GIT2: variants seen among roughly 807,000 people sequenced by gnomAD.
The protein encoded by GIT2 is GIT ArfGAP 2.
A neutral mutation model predicts 100.3 loss-of-function variants in GIT2; 32 were observed. The ratio of observed to expected loss-of-function variants is 0.32; its 90% CI spans 0.24 to 0.43. GIT2 has a LOEUF of 0.43. Ranked by LOEUF, GIT2 falls within the 20% of genes least tolerant of loss-of-function variation. The probability of loss-of-function intolerance (pLI) is 1.00; values close to 1 mark genes in which losing one functional copy is unlikely to be tolerated. For synonymous variants in GIT2, 353 were observed against 364.1 expected, an observed-to-expected ratio of 0.97 and a Z score of 0.35; for missense variants, 737 against 975.1, an observed-to-expected ratio of 0.76 and a Z score of 3.25.
At chr12:109,982,056 T>G (rs1404125495) in intron 6 of GIT2, 1 of 152,352 alleles carries the variant, frequency 6.6e-6, no homozygotes, top group East Asian at 1.9e-4. Context: ...TTGGCTGAAC[T>G]CTTTTCTTTT....
rs1421179107 is a variant in GIT2 at position 109,930,997 on chromosome 12, G to A, written c.*1981C>T. Reference sequence around the variant, plus strand: ...GGCTGTGGGACAAACAAGTGGAAGAGTCTTTTGGAGACGTGGACCCTTTTC... The same window carrying A: ...GGCTGTGGGACAAACAAGTGGAAGAATCTTTTGGAGACGTGGACCCTTTTC... On this transcript the variant is annotated 3_prime_UTR_variant, in exon 20 of 20. Transcript: ENST00000355312. The A allele has an allele frequency of 6.6e-6, 1 of 152,206 alleles. No individual in the cohort carries two copies. Among genetic ancestry groups the A allele is most frequent in the Non-Finnish European group, 1.5e-5 (1 of 68,036 alleles). The allele number at this position is 152,206 out of a possible 1,614,324, so 9.4% of individuals were successfully genotyped here.
intron 9 of GIT2, among the ~76,000 whole-genome samples, chr12:109,963,465 C>T (rs1881548698): frequency 6.6e-6 from 1 of 152,234 alleles, no homozygotes; most frequent in Non-Finnish European, 1.5e-5. Context: ...TCATATTTCA[C>T]TTATAACACC....
chr12:109,968,643 G>T (rs544791467), intron 7 of GIT2, among the ~76,000 whole-genome samples: 1 of 152,106 alleles, frequency 6.6e-6, no homozygotes, highest in African/African-American at 2.4e-5. Context: ...GGCTGGTCTT[G>T]AACTCCTGAC....
intron 4 of GIT2, 107 bp downstream of exon 4, chr12:109,988,856 A>G: frequency 1.9e-6 from 1 of 527,572 alleles, no homozygotes; most frequent in Non-Finnish European, 3.3e-6. Flanking sequence ...CTCAAAAAAA[A>G]AAAAAAAAAA....
At chr12:109,992,184 T>C (rs1337164474) in intron 1 of GIT2, 1 of 147,192 alleles carries the variant, frequency 6.8e-6, no homozygotes, top group East Asian at 2.0e-4. Context: ...TCTCACTCTG[T>C]CACCCAGGCT....
rs1872279833 is a variant in GIT2, at chr12:109,933,921, T to C, written c.2067+101A>G. ...CGGCCTCGACTGCATATTTTAAAAC[T>C]GCATGTGCTACAAAAAAGCTAATGT... On this transcript the variant is annotated intron_variant, in intron 19 of 19. Coordinates refer to ENST00000355312, the MANE Select transcript of GIT2 (RefSeq NM_057169.5). The surrounding 1 kb of genome is among the most constrained non-coding windows in gnomAD (Gnocchi z 4.5). 4 of 770,942 alleles carry C rather than the reference T, an allele frequency of 5.2e-6. No homozygotes were observed. Among genetic ancestry groups the C allele is most frequent in the African/African-American group, 1.7e-5 (1 of 58,268 alleles). 47.8% of individuals were successfully genotyped at this position (770,942 alleles called of 1,614,324 possible).
At chr12:109,989,886 A>T (rs1406341401) in intron 2 of GIT2, 84 bp from the exon 3 acceptor site, 1 of 759,302 alleles carries the variant, frequency 1.3e-6, no homozygotes, top group African/African-American at 1.7e-5. Context: ...GAGTAAACAA[A>T]GTCCTGTTAT....
chr12:109,974,903 T>A (rs1017419286), intron 7 of GIT2, among the ~76,000 whole-genome samples: 3 of 152,194 alleles, frequency 2.0e-5, no homozygotes, highest in Non-Finnish European at 4.4e-5. Context: ...TTCTCTCCTT[T>A]TAGTTCTATC....
Position 109,951,159 on chromosome 12 carries a change from C to T in GIT2, c.1392+8G>A. 1.2e-6 allele frequency: 2 copies of T among 1,611,232 alleles called. No individual in the cohort carries two copies. Among genetic ancestry groups the T allele is most frequent in the Non-Finnish European group, 1.7e-6 (2 of 1,177,376 alleles). On this transcript the variant is annotated splice_region_variant and intron_variant, in intron 14 of 19. Coordinates refer to ENST00000355312, the MANE Select transcript of GIT2 (RefSeq NM_057169.5). ...CGTCAACCGTCCTGGCATTTATTAACATGTTACCTTTTTCTGCATAATTCT... is the reference window on the plus strand; with the variant it reads ...CGTCAACCGTCCTGGCATTTATTAATATGTTACCTTTTTCTGCATAATTCT...
intron 15 of GIT2, among the ~76,000 whole-genome samples, chr12:109,946,157 G>A (rs915733412): frequency 9.2e-5 from 14 of 152,046 alleles, no homozygotes; most frequent in African/African-American, 3.4e-4. Context: ...TCTTAACTTA[G>A]TTCAGTGGCA....
At chr12:109,966,123 G>A (rs1445499337) in intron 8 of GIT2, among the ~76,000 whole-genome samples, 1 of 151,512 alleles carries the variant, frequency 6.6e-6, no homozygotes, top group East Asian at 2.0e-4. Context: ...AGCCTCCAGA[G>A]TAGCTGGGAT....
intron 16 of GIT2, among the ~76,000 whole-genome samples, chr12:109,941,864 C>T (rs1197174690): frequency 6.6e-6 from 1 of 150,976 alleles, no homozygotes; most frequent in African/African-American, 2.4e-5. Flanking sequence ...CTCACTCTGT[C>T]GCCTAGGCTA....
Position 109,933,852 on chromosome 12 carries a change from CG to C in GIT2, c.2067+169del, listed in dbSNP as rs1282761158. ...CCGACCTCAGGTGATCTGCCTGTCT[CG>C]GCCTCCCAAAGTGCTGGGGTTACAG... On this transcript the variant is annotated intron_variant, in intron 19 of 19. Coordinates refer to ENST00000355312, the MANE Select transcript of GIT2 (RefSeq NM_057169.5). This position sits in a 1 kb window ranked among gnomAD's most constrained non-coding sequence, Gnocchi z 4.5. 4.9e-5 allele frequency: 29 copies of C among 593,832 alleles called. 1 individual carries two copies. Among genetic ancestry groups the C allele is most frequent in the South Asian group, 9.5e-5 (5 of 52,466 alleles). 36.8% of individuals were successfully genotyped at this position (593,832 alleles called of 1,614,324 possible).
At chr12:109,941,364 T>C (rs1001893528) in intron 16 of GIT2, among the ~76,000 whole-genome samples, 3 of 152,222 alleles carry the variant, frequency 2.0e-5, no homozygotes, top group African/African-American at 4.8e-5. Flanking sequence ...TGCCTTGTTT[T>C]GATCTGGCTT....
At chr12:109,983,766 G>C in intron 4 of GIT2, 72 bp from the exon 5 acceptor site, 2 of 912,272 alleles carry the variant, frequency 2.2e-6, no homozygotes, top group Non-Finnish European at 3.6e-6. Flanking sequence ...GCAGCTGATA[G>C]ACCATTTTAA....
At chr12:109,949,528 T>C (rs1290032599) in intron 14 of GIT2, among the ~76,000 whole-genome samples, 1 of 152,244 alleles carries the variant, frequency 6.6e-6, no homozygotes, top group Non-Finnish European at 1.5e-5. Flanking sequence ...ATGACGTTTA[T>C]CTTAATAAGA....
chr12:109,949,788 C>A (rs1422116832), intron 14 of GIT2, among the ~76,000 whole-genome samples: 1 of 152,182 alleles, frequency 6.6e-6, no homozygotes, highest in Non-Finnish European at 1.5e-5. Context: ...TGATGTGCAG[C>A]AGATTGATTT....
rs34096511 is a variant in GIT2, at chr12:109,963,006, G to GA, written c.817-1322dup. Among the ~76,000 whole-genome samples, 14 of 148,410 alleles carry GA rather than the reference G, an allele frequency of 9.4e-5. 1 individual carries two copies. The East Asian group carries it at 1.2e-3, about 12-fold the overall frequency. On this transcript the variant is annotated intron_variant, in intron 9 of 19. Transcript: ENST00000355312. ...GGGTGACGGAGTGAGACCTTGTCTC[G>GA]AAAAAAAAAGAAAAAACAAGTGCTG...
In GIT2 at chr12:109,945,302, G is replaced by A. The variant is rs1327505485; in HGVS notation, c.1689C>T (p.Phe563=). 1 of 1,588,416 alleles carries A rather than the reference G, an allele frequency of 6.3e-7. No homozygotes were observed. The highest frequency in any genetic ancestry group is 1.7e-5 in the Admixed American group (1 of 59,912). Residue 563 remains phenylalanine, a synonymous_variant, in exon 16 of 20, where the codon TTC becomes TTT. Coordinates refer to ENST00000355312, the MANE Select transcript of GIT2 (RefSeq NM_057169.5). ...LVTSSSSLPS[F]PSTLSWSRDE... is the part of the protein sequence containing the mutation. ...CCCTCGACCAGGAAAGTGTGGAGGGGAAGGAAGGCAGAGATGAAGAGGAGG... is the reference window on the plus strand; with the variant it reads ...CCCTCGACCAGGAAAGTGTGGAGGGAAAGGAAGGCAGAGATGAAGAGGAGG...
Sources: allele counts gnomAD v4.1 joint callset (sites outside exome capture counted in the v4.1 genomes callset), GRCh38; gene constraint gnomAD v4.1.1; non-coding constraint Gnocchi (gnomAD v3.1); transcripts MANE v1.5; gene names NCBI Gene and HGNC (gene_info 2026-07-23, HGNC 2026-07-21).